Variants in WDSUB1 observed in about 807,000 individuals in gnomAD.
WDSUB1 encodes the protein WD repeat, sterile alpha motif and U-box domain containing 1, also known as WD repeat, SAM and U-box domain-containing protein 1.
Under a neutral mutation model 53.9 loss-of-function variants are expected in WDSUB1, and 49 were observed. That is an observed-to-expected ratio of 0.91 (90% CI 0.72 to 1.15). The LOEUF is 1.15. WDSUB1 is among the 50% of genes most tolerant of loss of function. The probability of loss-of-function intolerance (pLI) is 0.00; values close to 1 mark genes in which losing one functional copy is unlikely to be tolerated. For synonymous variants in WDSUB1, 194 were observed against 200.6 expected (o/e 0.97, Z 0.28); for missense variants, 514 against 562.0 (o/e 0.91, Z 0.86).
intron 6 of WDSUB1, among the ~76,000 whole-genome samples, chr2:159,259,209 G>A (rs2061137677): frequency 6.6e-6 from 1 of 152,118 alleles, no homozygotes; most frequent in South Asian, 2.1e-4. Flanking sequence ...ATTTTTGGTA[G>A]AGATGAGGTT....
In WDSUB1 at chr2:159,256,308, C is replaced by G; in HGVS notation, c.1020G>C (p.Trp340Cys). The change falls in exon 9 of 11, where the codon TGG becomes TGC. Residue 340 changes from tryptophan (W) to cysteine (C), a missense_variant. By Grantham distance (215) the Trp-to-Cys change is radical. Coordinates refer to ENST00000359774, the MANE Select transcript of WDSUB1 (RefSeq NM_001128212.3). ...EDWSEEDVSTWLCAQDLKDLV... is the reference protein window; with the variant it reads ...EDWSEEDVSTCLCAQDLKDLV... The stretch of plus-strand genomic sequence containing the variant: ...GATCTTTTAAATCTTGTGCACAAAG[C>G]CATGTTGAGACATCCTCCTCTGACC... 2 of 1,612,444 alleles carry G rather than the reference C, an allele frequency of 1.2e-6. No homozygotes were observed. The highest frequency in any genetic ancestry group is 1.7e-6 in the Non-Finnish European group (2 of 1,179,468).
intron 10 of WDSUB1, among the ~76,000 whole-genome samples, chr2:159,248,134 C>G (rs2024288): frequency 0.35 from 53,289 of 151,062 alleles, 12,361 homozygotes; most frequent in Non-Finnish European, 0.54. Flanking sequence ...ATCCTAGCAA[C>G]TAAATACACA....
At position 159,262,535 on chromosome 2, in the gene WDSUB1, C is replaced by A. The variant is rs987280767; in HGVS notation, c.771-2692G>T. 1.2e-4 allele frequency among the ~76,000 whole-genome samples: 18 copies of A among 151,720 alleles called. 1 individual carries two copies. The highest frequency in any genetic ancestry group is 9.2e-4 in the Admixed American group (14 of 15,226). ...AATCCATGGAAAAAAAAACAAAAAA[C>A]GAAAATTATAAACACATGAACAGAC... On this transcript the variant is annotated intron_variant, in intron 5 of 10. Transcript: ENST00000359774.
chr2:159,261,870 ATATATATATATATATATATATATATAT>A (rs1423136006), intron 5 of WDSUB1, among the ~76,000 whole-genome samples: 43 of 14,082 alleles, frequency 3.1e-3, no homozygotes, highest in Admixed American at 5.8e-3. Context: ...ATATATATAT[ATATATATATATATATATATATATATAT>A]TTTTTTTTTT....
At position 159,282,684 on chromosome 2, in the gene WDSUB1, T is replaced by C. The variant is rs2151159132; in HGVS notation, c.386A>G (p.Tyr129Cys). 1 of 1,611,044 alleles carries C rather than the reference T, an allele frequency of 6.2e-7. No individual in the cohort carries two copies. Among genetic ancestry groups the C allele is most frequent in the East Asian group, 2.2e-5 (1 of 44,746 alleles). ...TAAATATCCATACCTATATAATTTG[T>C]ATGACTGTGCATTCCACAAAACCAC... ...GTVVLWNAQS[Y>C]KLYRCGSVKD... Residue 129 changes from tyrosine (Y) to cysteine (C), a missense_variant, in exon 2 of 11, where the codon TAC becomes TGC. Transcript: ENST00000359774.
intron 10 of WDSUB1, 145 bp downstream of exon 10, chr2:159,248,226 AT>A: frequency 1.2e-6 from 1 of 852,186 alleles, no homozygotes; most frequent in Non-Finnish European, 1.7e-6. Flanking sequence ...AATATACAAT[AT>A]TCATTTGTTC....
intron 10 of WDSUB1, among the ~76,000 whole-genome samples, chr2:159,238,287 C>CTT (rs1386024120): frequency 5.1e-5 from 2 of 39,464 alleles, no homozygotes; most frequent in Non-Finnish European, 1.4e-4. Flanking sequence ...AAGGAATTTA[C>CTT]TTACAAATTC....
At chr2:159,267,341 C>A (rs1303462890) in intron 5 of WDSUB1, among the ~76,000 whole-genome samples, 1 of 151,380 alleles carries the variant, frequency 6.6e-6, no homozygotes, top group Admixed American at 6.6e-5. Context: ...GACTTTGTTG[C>A]CCAGGCTGGA....
At chr2:159,237,398 G>A (rs754689613) in intron 10 of WDSUB1, among the ~76,000 whole-genome samples, 2 of 152,094 alleles carry the variant, frequency 1.3e-5, no homozygotes, top group Non-Finnish European at 2.9e-5. Context: ...GCAGGTGCCT[G>A]TAATTCCAGC....
At chr2:159,265,125 A>ACAAC (rs1420625146) in intron 5 of WDSUB1, among the ~76,000 whole-genome samples, 2 of 137,172 alleles carry the variant, frequency 1.5e-5, no homozygotes, top group African/African-American at 5.5e-5. Flanking sequence ...AACAACAACA[A>ACAAC]AAAAAAACAA....
intron 1 of WDSUB1, among the ~76,000 whole-genome samples, chr2:159,286,046 T>C (rs1398316738): frequency 6.6e-6 from 1 of 152,054 alleles, no homozygotes; most frequent in Non-Finnish European, 1.5e-5. Flanking sequence ...GAACAGTTTG[T>C]TTTGAAAAAG....
chr2:159,256,276 C>T lies in WDSUB1; in HGVS notation c.1052G>A (p.Gly351Asp), dbSNP rs990819997. The T allele has an allele frequency of 6.2e-7, 1 of 1,611,856 alleles. No homozygotes were observed. Among genetic ancestry groups the T allele is most frequent in the East Asian group, 2.2e-5 (1 of 44,754 alleles). Residue 351 changes from glycine (G) to aspartate (D), a missense_variant, in exon 9 of 11, where the codon GGT becomes GAT. Transcript: ENST00000359774. ...LCAQDLKDLV[G>D]IFKMNNIDGK... is the part of the protein sequence containing the mutation. ...ATCAATGTTATTCATCTTGAAAATA[C>T]CAACAAGATCTTTTAAATCTTGTGC...
intron 10 of WDSUB1, 71 bp from the exon 11 acceptor site, chr2:159,236,261 T>A: frequency 6.9e-7 from 1 of 1,457,620 alleles, no homozygotes; most frequent in Admixed American, 2.2e-5. Context: ...ATGAAGTGAA[T>A]GTAAAAACTC....
chr2:159,281,903 G>A (rs1189340569), intron 2 of WDSUB1, among the ~76,000 whole-genome samples: 1 of 152,152 alleles, frequency 6.6e-6, no homozygotes, highest in Non-Finnish European at 1.5e-5. Context: ...CTTGAACCTG[G>A]GAGGTGGAGG....
intron 5 of WDSUB1, among the ~76,000 whole-genome samples, chr2:159,267,781 TTAAC>T (rs1281837765): frequency 1.3e-5 from 2 of 152,236 alleles, no homozygotes; most frequent in African/African-American, 4.8e-5. Flanking sequence ...GAATCTATCA[TTAAC>T]TAATTGACCT....
chr2:159,256,223 CT>C lies in WDSUB1; in HGVS notation c.1104del (p.Glu369LysfsTer7), dbSNP rs769428496. The part of the protein sequence containing the change: ...IDGKELLNLT[K>X]ESLADDLKIE... Reference sequence around the variant, plus strand: ...ATTTTCAAATCATCAGCCAGACTTTCTTTTGTAAGATTCAACAGTTCTTTTC... The same window carrying C: ...ATTTTCAAATCATCAGCCAGACTTTCTTTGTAAGATTCAACAGTTCTTTTC... On this transcript the variant is annotated frameshift_variant, in exon 9 of 11. Coordinates refer to ENST00000359774, the MANE Select transcript of WDSUB1 (RefSeq NM_001128212.3). LOFTEE classifies it high-confidence loss of function. 6.2e-7 allele frequency: 1 copy of C among 1,602,334 alleles called. No homozygotes were observed. The highest frequency in any genetic ancestry group is 1.1e-5 in the South Asian group (1 of 87,588).
rs560800820 is a variant in WDSUB1 at position 159,251,109 on chromosome 2, TTTAAAAA to T, written c.1133-2604_1133-2598del. Among the ~76,000 whole-genome samples, 413 of 101,562 alleles carry T rather than the reference TTTAAAAA, an allele frequency of 4.1e-3. 8 individuals are homozygous for T. The highest frequency in any genetic ancestry group is 9.7e-3 in the Non-Finnish European group (328 of 33,906). 66.6% of individuals were successfully genotyped at this position (101,562 alleles called of 152,430 possible). On this transcript the variant is annotated intron_variant, in intron 9 of 10. Coordinates refer to ENST00000359774, the MANE Select transcript of WDSUB1 (RefSeq NM_001128212.3). ...AAGACTCTTTCTCTACAAAAAAAAT[TTTAAAAA>T]TTAGCTGGGCATGGTGGTGCATACC...
chr2:159,251,689 A>C (rs1363709240), intron 9 of WDSUB1, among the ~76,000 whole-genome samples: 2 of 152,220 alleles, frequency 1.3e-5, no homozygotes, highest in Non-Finnish European at 2.9e-5. Flanking sequence ...AATCCTGAAA[A>C]GACATCTTGA....
chr2:159,257,034 C>T (rs1472455694), intron 8 of WDSUB1, among the ~76,000 whole-genome samples: 1 of 152,066 alleles, frequency 6.6e-6, no homozygotes, highest in Non-Finnish European at 1.5e-5. Context: ...GTTCTCACTC[C>T]CTTGCCCAGG....
Sources: gnomAD v4.1 joint callset for allele counts (sites outside exome capture counted in the v4.1 genomes callset) on GRCh38, gnomAD v4.1.1 for gene constraint, MANE v1.5 for transcripts, NCBI Gene and HGNC (gene_info 2026-07-23, HGNC 2026-07-21) for gene names.